EDEM3: variants seen among roughly 807,000 people sequenced by gnomAD.
EDEM3 encodes the protein ER degradation enhancing alpha-mannosidase like protein 3, also known as ER degradation-enhancing alpha-mannosidase-like protein 3.
Under a neutral mutation model 110.2 loss-of-function variants are expected in EDEM3, and 60 were observed. That is an observed-to-expected ratio of 0.54 (90% CI 0.44 to 0.67). The LOEUF (loss-of-function observed/expected upper bound fraction) is 0.67. EDEM3 is among the 30% of genes least tolerant of loss of function. EDEM3 has a pLI of 0.00. For missense variants in EDEM3, 996 were observed against 1,121.0 expected, an observed-to-expected ratio of 0.89 and a Z score of 1.59; for synonymous variants, 352 against 382.9, an observed-to-expected ratio of 0.92 and a Z score of 0.94.
Position 184,737,025 on chromosome 1 carries a change from C to T in EDEM3, c.345G>A (p.Val115=). The T allele has an allele frequency of 6.2e-7, 1 of 1,611,778 alleles. No individual in the cohort carries two copies. The highest frequency in any genetic ancestry group is 8.5e-7 in the Non-Finnish European group (1 of 1,178,280). Residue 115 remains valine (V), a splice_region_variant and synonymous_variant, in exon 4 of 20, where the codon GTG becomes GTA. Coordinates refer to ENST00000318130, the MANE Select transcript of EDEM3 (RefSeq NM_025191.4). ...TAAATCCAAGAAGAGTCAAACCTAC[C>T]ACAAGAGTGTCCAAAGAATCAATCA... ...LTLIDSLDTL[V]VLNKTKEFED... is the part of the protein sequence containing the mutation.
chr1:184,712,545 G>A lies in EDEM3; in HGVS notation c.1424C>T (p.Ala475Val). ...EMFKYLYLLF[A>V]DKEDIIFDIE... ...GTCAAAAATAATGTCTTCTTTATCA[G>A]CAAATAACAGGTAAAGATATTTAAA... is the stretch of plus-strand genomic sequence containing the variant. Residue 475 changes from alanine to valine, a missense_variant, in exon 14 of 20, where the codon GCT (alanine) becomes GTT (valine). Physicochemically the swap from Ala to Val is moderately conservative, Grantham distance 64. This residue lies in a region of EDEM3 where 138 missense variants were observed against 124.3 expected (regional missense o/e 1.11). Transcript: ENST00000318130. The A allele has an allele frequency of 6.3e-7, 1 of 1,584,134 alleles. No homozygotes were observed. The highest frequency in any genetic ancestry group is 8.6e-7 in the Non-Finnish European group (1 of 1,161,542).
At chr1:184,728,736 A>T (rs921097087) in intron 6 of EDEM3, among the ~76,000 whole-genome samples, 2 of 152,038 alleles carry the variant, frequency 1.3e-5, no homozygotes, top group Non-Finnish European at 2.9e-5. Flanking sequence ...CAGCCTCCCA[A>T]GCAGCTGGAA....
chr1:184,712,259 T>C (rs1024611758), intron 14 of EDEM3, among the ~76,000 whole-genome samples, 174 bp downstream of exon 14: 7 of 151,884 alleles, frequency 4.6e-5, no homozygotes, highest in Admixed American at 3.9e-4. Flanking sequence ...AAACAGTTAA[T>C]GAAATATATA....
intron 2 of EDEM3, among the ~76,000 whole-genome samples, chr1:184,746,900 A>C (rs2102133829): frequency 6.6e-6 from 1 of 152,318 alleles, no homozygotes; most frequent in East Asian, 1.9e-4. Context: ...GATAGTAGGC[A>C]ACTGACTACA....
chr1:184,699,472 G>A (rs1208253687), intron 19 of EDEM3, among the ~76,000 whole-genome samples: 1 of 151,878 alleles, frequency 6.6e-6, no homozygotes, highest in African/African-American at 2.4e-5. Flanking sequence ...GGATGGAGAA[G>A]GGAAGGTTAA....
rs781417752 is a variant in EDEM3 at position 184,717,612 on chromosome 1, T to C, written c.1173A>G (p.Thr391=). 1.9e-6 allele frequency: 3 copies of C among 1,601,540 alleles called. No homozygotes were observed. The Admixed American group carries it at 5.2e-5, about 28-fold the overall frequency. ...GTTGAGCCCAGTGTACTCTGAAATC[T>C]GTGGTAAATGCCTGAACAAAACAAC... ...KHNFLPEAFT[T]DFRVHWAQHP... is the part of the protein sequence containing the mutation. The change falls in exon 12 of 20, where the codon ACA becomes ACG. Residue 391 remains threonine, a synonymous_variant. Coordinates refer to ENST00000318130, the MANE Select transcript of EDEM3 (RefSeq NM_025191.4).
chr1:184,698,784 CAGAGACAGAGAGAG>C (rs1649459317), intron 19 of EDEM3, among the ~76,000 whole-genome samples: 1 of 151,206 alleles, frequency 6.6e-6, no homozygotes, highest in Non-Finnish European at 1.5e-5. Flanking sequence ...GAGAGAGAGA[CAGAGACAGAGAGAG>C]AGAGACAGAG....
At chr1:184,695,631 CT>C (rs973141889) in intron 19 of EDEM3, among the ~76,000 whole-genome samples, 5 of 151,932 alleles carry the variant, frequency 3.3e-5, no homozygotes, top group African/African-American at 1.2e-4. Flanking sequence ...AATACAGATG[CT>C]TTTTTCTTCT....
At chr1:184,740,715 A>T (rs1558069211) in intron 2 of EDEM3, among the ~76,000 whole-genome samples, 1 of 152,240 alleles carries the variant, frequency 6.6e-6, no homozygotes, top group South Asian at 2.1e-4. Context: ...TTTGAATTGA[A>T]CATAAATGAG....
chr1:184,748,904 T>C (rs1380431618), intron 2 of EDEM3, among the ~76,000 whole-genome samples: 1 of 152,246 alleles, frequency 6.6e-6, no homozygotes, highest in Non-Finnish European at 1.5e-5. Flanking sequence ...AGTTTCAGGA[T>C]AATATGCTTA....
chr1:184,699,547 T>G (rs746913631), intron 19 of EDEM3, among the ~76,000 whole-genome samples: 1 of 151,916 alleles, frequency 6.6e-6, no homozygotes, highest in Non-Finnish European at 1.5e-5. Context: ...TCTGCATATG[T>G]ACTAGATTTT....
rs75351128 is a variant in EDEM3 at position 184,743,276 on chromosome 1, T to C, written c.205-5565A>G. On this transcript the variant is annotated intron_variant, in intron 2 of 19. Transcript: ENST00000318130. ...CATACGTGGCAAATTAACAGCCTTA[T>C]CAAGCTTCAAACATCCTGGCTTTTT... Among the ~76,000 whole-genome samples, 949 of 152,288 alleles carry C rather than the reference T, an allele frequency of 6.2e-3. 11 individuals are homozygous for C. The highest frequency in any genetic ancestry group is 0.027 in the Middle Eastern group (8 of 294).
chr1:184,719,668 T>C, intron 9 of EDEM3, 100 bp from the exon 10 acceptor site: 2 of 1,198,106 alleles, frequency 1.7e-6, no homozygotes, highest in African/African-American at 1.5e-5. Flanking sequence ...CTAGAATTTA[T>C]ATATAAATTC....
Position 184,737,620 on chromosome 1 carries a change from G to C in EDEM3, c.296C>G (p.Ala99Gly), listed in dbSNP as rs775692658. The stretch of plus-strand genomic sequence containing the variant: ...CTGTGTTAATACTCACTTTCCCAAG[G>C]CATCATCAACGTCACCGCGACTTGG... ...QEPSRGDVDD[A>G]LGKFSLTLID... is the part of the protein sequence containing the mutation. The change falls in exon 3 of 20, where the codon GCC becomes GGC. Residue 99 changes from alanine to glycine, a missense_variant. By Grantham distance (60) the Ala-to-Gly change is moderately conservative. This residue lies in a region of EDEM3 where 200 missense variants were observed against 183.8 expected (regional missense o/e 1.09). Coordinates refer to ENST00000318130, the MANE Select transcript of EDEM3 (RefSeq NM_025191.4). 9 of 1,613,708 alleles carry C rather than the reference G, an allele frequency of 5.6e-6. No individual in the cohort carries two copies. Among genetic ancestry groups the C allele is most frequent in the African/African-American group, 1.3e-5 (1 of 74,888 alleles).
At chr1:184,736,770 A>T (rs940935062) in intron 4 of EDEM3, among the ~76,000 whole-genome samples, 1 of 152,078 alleles carries the variant, frequency 6.6e-6, no homozygotes, top group Non-Finnish European at 1.5e-5. Flanking sequence ...CAAAGGGGGG[A>T]AAAAAGGACC....
At chr1:184,737,739 A>G (rs1482331468) in intron 2 of EDEM3, 28 bp from the exon 3 acceptor site, 1 of 1,588,336 alleles carries the variant, frequency 6.3e-7, no homozygotes, top group Non-Finnish European at 8.6e-7. Context: ...GTAAGTTACT[A>G]AGGAAAATAA....
Position 184,706,719 on chromosome 1 carries a change from T to C in EDEM3, c.2127A>G (p.Ile709Met). The change falls in exon 18 of 20, where the codon ATA becomes ATG. Residue 709 changes from isoleucine to methionine, a missense_variant. Physicochemically the swap from Ile to Met is conservative, Grantham distance 10. This residue lies in a region of EDEM3 where 345 missense variants were observed against 402.0 expected (regional missense o/e 0.86). Transcript: ENST00000318130. ...CTGCAAACATGCACTGTCCTCTTTGTATCAGTGCGATTTTTCCCATCACTG... is the reference window on the plus strand; with the variant it reads ...CTGCAAACATGCACTGTCCTCTTTGCATCAGTGCGATTTTTCCCATCACTG... ...PEAVMGKIAL[I>M]QRGQCMFAEK... is the part of the protein sequence containing the mutation. The C allele has an allele frequency of 6.2e-7, 1 of 1,614,000 alleles. No homozygotes were observed. Among genetic ancestry groups the C allele is most frequent in the Non-Finnish European group, 8.5e-7 (1 of 1,179,896 alleles).
intron 5 of EDEM3, among the ~76,000 whole-genome samples, chr1:184,733,772 G>A (rs994141539): frequency 6.6e-6 from 1 of 151,052 alleles, no homozygotes; most frequent in African/African-American, 2.4e-5. Context: ...AGGTTGCAGT[G>A]AGCCAAGATC....
chr1:184,746,646 A>T (rs1652445104), intron 2 of EDEM3, among the ~76,000 whole-genome samples: 1 of 152,226 alleles, frequency 6.6e-6, no homozygotes, highest in Non-Finnish European at 1.5e-5. Flanking sequence ...ATTGTAACCC[A>T]GATGAGAGGT....
Sources: allele counts gnomAD v4.1 joint callset (sites outside exome capture counted in the v4.1 genomes callset), GRCh38; gene constraint gnomAD v4.1.1; regional missense constraint gnomAD v4.1.1; transcripts MANE v1.5; gene names NCBI Gene and HGNC (gene_info 2026-07-23, HGNC 2026-07-21).